The following KCNMB2 variants were observed in gnomAD, a reference collection of about 807,000 sequenced individuals.
KCNMB2 encodes calcium-activated potassium channel subunit beta-2.
KCNMB2 carries 9 observed loss-of-function variants against 24.5 expected under a neutral mutation model. The observed-to-expected ratio is 0.37, with a 90% CI of 0.22 to 0.64. The LOEUF (loss-of-function observed/expected upper bound fraction) is 0.64, where lower values mean the gene tolerates loss of function less well. Among genes scored for constraint, KCNMB2 ranks in the 30% least tolerant of loss-of-function variants. The pLI is 0.63. For synonymous variants in KCNMB2, 109 were observed against 104.4 expected (o/e 1.04, Z -0.27); for missense variants, 226 against 284.3 (o/e 0.79, Z 1.47).
At chr3:178,811,324 TCC>T (rs1489986297) in intron 2 of KCNMB2, among the ~76,000 whole-genome samples, 1 of 152,138 alleles carries the variant, frequency 6.6e-6, no homozygotes, top group Non-Finnish European at 1.5e-5. Flanking sequence ...ACTATTCTAC[TCC>T]CCATCAATCA....
At chr3:178,823,579 G>A in intron 2 of KCNMB2, among the ~76,000 whole-genome samples, 1 of 152,076 alleles carries the variant, frequency 6.6e-6, no homozygotes, top group Non-Finnish European at 1.5e-5. Flanking sequence ...TAAATACTCG[G>A]CCCTACAACC....
At chr3:178,815,456 T>C (rs1248304100) in intron 2 of KCNMB2, among the ~76,000 whole-genome samples, 1 of 152,140 alleles carries the variant, frequency 6.6e-6, no homozygotes, top group African/African-American at 2.4e-5. Flanking sequence ...ATCTATAGAT[T>C]CTTTTGTATT....
At chr3:178,557,284 G>A (rs1716157254) in intron 1 of KCNMB2, among the ~76,000 whole-genome samples, 1 of 152,140 alleles carries the variant, frequency 6.6e-6, no homozygotes, top group Admixed American at 6.5e-5. Context: ...CACTATAGAT[G>A]GTTATTTTGG....
intron 1 of KCNMB2, among the ~76,000 whole-genome samples, chr3:178,732,473 T>C (rs980838859): frequency 6.6e-5 from 10 of 152,200 alleles, no homozygotes; most frequent in Non-Finnish European, 1.0e-4. Context: ...TCTCATACTG[T>C]AAAGTATACT....
intron 1 of KCNMB2, among the ~76,000 whole-genome samples, chr3:178,674,693 C>A (rs1441974727): frequency 6.6e-6 from 1 of 152,154 alleles, no homozygotes; most frequent in Admixed American, 6.5e-5. Context: ...CAAGCCAGAT[C>A]ATGGTTTCCC....
At chr3:178,803,332 C>T (rs901220208) in intron 1 of KCNMB2, among the ~76,000 whole-genome samples, 1 of 152,022 alleles carries the variant, frequency 6.6e-6, no homozygotes, top group Non-Finnish European at 1.5e-5. Context: ...ATTTTCTGTC[C>T]AAGCCAATGA....
At chr3:178,782,645 T>A in intron 1 of KCNMB2, among the ~76,000 whole-genome samples, 1 of 138,744 alleles carries the variant, frequency 7.2e-6, no homozygotes, top group African/African-American at 2.5e-5. Context: ...GTTGTTTGTT[T>A]TTTTCTTGTA....
At chr3:178,770,367 G>A (rs1268806130) in intron 1 of KCNMB2, among the ~76,000 whole-genome samples, 2 of 152,250 alleles carry the variant, frequency 1.3e-5, no homozygotes, top group Non-Finnish European at 2.9e-5. Context: ...TGAAATACAA[G>A]AGACAGGAGC....
rs1293127813 is a variant in KCNMB2, at chr3:178,728,956, T to TA, written c.-67-78386dup. Reference sequence around the variant, plus strand: ...AAAGAATCAAGTGTTGGTAAGTTGATACATAGCTCTACTTAACTCTTTAGG... The same window carrying TA: ...AAAGAATCAAGTGTTGGTAAGTTGATAACATAGCTCTACTTAACTCTTTAGG... On this transcript the variant is annotated intron_variant, in intron 1 of 4. Transcript: ENST00000452583. Among the ~76,000 whole-genome samples, 8 of 152,304 alleles carry TA rather than the reference T, an allele frequency of 5.3e-5. No individual in the cohort carries two copies. In the East Asian group the frequency reaches 1.2e-3, roughly 22 times the overall value.
chr3:178,630,534 C>T (rs1719281133), intron 1 of KCNMB2, among the ~76,000 whole-genome samples: 1 of 152,216 alleles, frequency 6.6e-6, no homozygotes, highest in Admixed American at 6.5e-5. Context: ...ACTAGAGTTA[C>T]ATTGGGTCTG....
chr3:178,653,733 GTTT>G (rs1163466466), intron 1 of KCNMB2, among the ~76,000 whole-genome samples: 2 of 152,072 alleles, frequency 1.3e-5, no homozygotes, highest in Admixed American at 6.6e-5. Context: ...TTGTCTTTAT[GTTT>G]TTAAGATTGA....
chr3:178,779,405 TAGA>T (rs1712730397), intron 1 of KCNMB2, among the ~76,000 whole-genome samples: 1 of 152,188 alleles, frequency 6.6e-6, no homozygotes. Flanking sequence ...ACACGTAAAC[TAGA>T]AGAATTGTAC....
intron 1 of KCNMB2, among the ~76,000 whole-genome samples, chr3:178,638,468 A>T (rs908515405): frequency 1.3e-5 from 2 of 152,122 alleles, no homozygotes; most frequent in African/African-American, 4.8e-5. Flanking sequence ...GCACCAATAA[A>T]ATGCCACCTC....
intron 1 of KCNMB2, among the ~76,000 whole-genome samples, chr3:178,638,837 T>C (rs1719622469): frequency 6.6e-6 from 1 of 152,228 alleles, no homozygotes. Flanking sequence ...ACTTCTTTCA[T>C]ACAAGCCTTT....
At chr3:178,593,067 T>C (rs759524138) in intron 1 of KCNMB2, among the ~76,000 whole-genome samples, 39 of 151,978 alleles carry the variant, frequency 2.6e-4, no homozygotes, top group Non-Finnish European at 5.3e-4. Flanking sequence ...GAGTGGGGTG[T>C]TGTAGATAAT....
chr3:178,558,065 G>GA (rs1249569837), intron 1 of KCNMB2, among the ~76,000 whole-genome samples: 4 of 151,276 alleles, frequency 2.6e-5, no homozygotes, highest in South Asian at 2.1e-4. Context: ...TTGCAAGAGA[G>GA]AAAAAAAAAC....
intron 1 of KCNMB2, among the ~76,000 whole-genome samples, chr3:178,556,595 T>C (rs1014812839): frequency 6.6e-6 from 1 of 152,094 alleles, no homozygotes; most frequent in South Asian, 2.1e-4. Context: ...TTAGTAGAGA[T>C]GGGGTTTCAC....
intron 1 of KCNMB2, among the ~76,000 whole-genome samples, chr3:178,792,275 AG>A (rs1175127537): frequency 1.3e-5 from 2 of 152,212 alleles, no homozygotes; most frequent in Admixed American, 6.5e-5. Flanking sequence ...AATTTGTATT[AG>A]TTTTCCTCTT....
intron 1 of KCNMB2, among the ~76,000 whole-genome samples, chr3:178,562,493 AG>A (rs1184759338): frequency 1.3e-5 from 2 of 152,230 alleles, no homozygotes; most frequent in African/African-American, 4.8e-5. Flanking sequence ...TATAAGGCTA[AG>A]AAAAGAAACT....
Sources: allele counts gnomAD v4.1 joint callset (sites outside exome capture counted in the v4.1 genomes callset), GRCh38; gene constraint gnomAD v4.1.1; transcripts MANE v1.5; gene names NCBI Gene and HGNC (gene_info 2026-07-23, HGNC 2026-07-21).